PPM1B: variants seen among roughly 807,000 people sequenced by gnomAD.
PPM1B encodes the protein protein phosphatase, Mg2+/Mn2+ dependent 1B, also known as protein phosphatase 1B.
In PPM1B, 22 loss-of-function variants were observed where a neutral mutation model predicts 43.0. The observed-to-expected ratio is 0.51, with a 90% CI of 0.37 to 0.73. PPM1B has a LOEUF of 0.73. Among genes scored for constraint, PPM1B ranks in the 30% least tolerant of loss-of-function variants. The pLI is 0.00. For missense variants in PPM1B, 632 were observed against 584.2 expected (o/e 1.08, Z -0.84); for synonymous variants, 217 against 197.9 (o/e 1.10, Z -0.81).
At chr2:44,186,781 T>G (rs557986576) in intron 1 of PPM1B, among the ~76,000 whole-genome samples, 45 of 152,360 alleles carry the variant, frequency 3.0e-4, no homozygotes, top group African/African-American at 1.1e-3. Flanking sequence ...GTGGTCTAGT[T>G]TTGTTGATGA....
At chr2:44,236,412 A>C (rs1320416140), downstream of PPM1B, among the ~76,000 whole-genome samples, 1 of 147,726 alleles carries the variant, frequency 6.8e-6, no homozygotes, top group Non-Finnish European at 1.5e-5. Context: ...CAAAAAAAAA[A>C]AAAAAAAAAA....
At chr2:44,211,525 C>T (rs1476137421) in intron 3 of PPM1B, among the ~76,000 whole-genome samples, 1 of 151,974 alleles carries the variant, frequency 6.6e-6, no homozygotes, top group Non-Finnish European at 1.5e-5. Context: ...TTGTGACTTG[C>T]TTGGGTTGTT....
rs941953034 is a variant in PPM1B, at chr2:44,220,281, T to TATAC, written c.1134+1745_1134+1746insTACA. ...AAAAATACATATATATATATATATA[T>TATAC]ACCTTGCTGGATTTTGGGGTCCTTC... On this transcript the variant is annotated intron_variant, in intron 5 of 5. Coordinates refer to ENST00000282412, the MANE Select transcript of PPM1B (RefSeq NM_002706.6). Among the ~76,000 whole-genome samples, 116 of 151,552 alleles carry TATAC rather than the reference T, an allele frequency of 7.7e-4. 1 individual carries two copies. The highest frequency in any genetic ancestry group is 6.2e-4 in the South Asian group (3 of 4,810).
At chr2:44,206,287 T>A (rs112717549) in intron 2 of PPM1B, among the ~76,000 whole-genome samples, 391 of 152,352 alleles carry the variant, frequency 2.6e-3, no homozygotes, top group African/African-American at 9.1e-3. Flanking sequence ...TACAAGGATG[T>A]TTTGTCTCTA....
chr2:44,181,484 A>G (rs1667872029), intron 1 of PPM1B, among the ~76,000 whole-genome samples: 1 of 152,192 alleles, frequency 6.6e-6, no homozygotes, highest in Admixed American at 6.6e-5. Flanking sequence ...TTAGAGGAAG[A>G]TGGGGTTGAA....
At chr2:44,187,560 C>T (rs538970940) in intron 1 of PPM1B, among the ~76,000 whole-genome samples, 1 of 152,300 alleles carries the variant, frequency 6.6e-6, no homozygotes, top group South Asian at 2.1e-4. Flanking sequence ...AATGATCTGT[C>T]TAAACATGGG....
intron 5 of PPM1B, chr2:44,230,041 C>G (rs759106069): frequency 4.4e-6 from 7 of 1,582,314 alleles, no homozygotes; most frequent in African/African-American, 1.3e-5. Context: ...CTGTCCTTTT[C>G]CTACTGCTTT....
At chr2:44,182,435 AT>A (rs1407320976) in intron 1 of PPM1B, among the ~76,000 whole-genome samples, 1 of 151,618 alleles carries the variant, frequency 6.6e-6, no homozygotes, top group African/African-American at 2.4e-5. Flanking sequence ...AATTTTTTGT[AT>A]TTTTAGTAGA....
At chr2:44,223,588 T>A (rs1216604029) in intron 5 of PPM1B, among the ~76,000 whole-genome samples, 2 of 151,810 alleles carry the variant, frequency 1.3e-5, no homozygotes, top group African/African-American at 4.8e-5. Flanking sequence ...GGCAGGAGGA[T>A]CACGAGGTCA....
downstream of PPM1B, among the ~76,000 whole-genome samples, chr2:44,244,844 C>T (rs1252111843): frequency 2.4e-5 from 3 of 123,548 alleles, no homozygotes; most frequent in Non-Finnish European, 3.4e-5. Context: ...TATATACACA[C>T]ACACACACAT....
At chr2:44,214,795 T>A (rs936684829) in intron 3 of PPM1B, among the ~76,000 whole-genome samples, 3 of 152,192 alleles carry the variant, frequency 2.0e-5, no homozygotes, top group Non-Finnish European at 4.4e-5. Flanking sequence ...GAGCCTAAAG[T>A]TCTCCTAGTC....
At chr2:44,185,494 T>C (rs2104040034) in intron 1 of PPM1B, among the ~76,000 whole-genome samples, 1 of 152,300 alleles carries the variant, frequency 6.6e-6, no homozygotes, top group Middle Eastern at 3.4e-3. Context: ...CTATTTCCAT[T>C]TTATGAACTA....
chr2:44,187,335 A>C (rs1011541081), intron 1 of PPM1B, among the ~76,000 whole-genome samples: 1 of 152,004 alleles, frequency 6.6e-6, no homozygotes, highest in Non-Finnish European at 1.5e-5. Flanking sequence ...GGTTGCTTCT[A>C]CCTCTTGGCT....
At chr2:44,180,243 AGG>A (rs1326269793) in intron 1 of PPM1B, among the ~76,000 whole-genome samples, 1 of 152,130 alleles carries the variant, frequency 6.6e-6, no homozygotes, top group Non-Finnish European at 1.5e-5. Flanking sequence ...TTCCTCACTT[AGG>A]AAGAGTTGGC....
chr2:44,180,599 G>T (rs1207300516), intron 1 of PPM1B, among the ~76,000 whole-genome samples: 1 of 152,008 alleles, frequency 6.6e-6, no homozygotes, highest in Non-Finnish European at 1.5e-5. Flanking sequence ...CTTGAAGAAG[G>T]ATCTTTTTAA....
chr2:44,177,367 C>G (rs949278741), intron 1 of PPM1B, among the ~76,000 whole-genome samples: 8 of 147,436 alleles, frequency 5.4e-5, no homozygotes, highest in South Asian at 4.3e-4. Flanking sequence ...GAGTTTGTTT[C>G]TATTCATCTG....
At chr2:44,191,283 G>A (rs751779337) in intron 1 of PPM1B, among the ~76,000 whole-genome samples, 33 of 151,792 alleles carry the variant, frequency 2.2e-4, no homozygotes, top group Non-Finnish European at 3.8e-4. Flanking sequence ...GAGTGATCTC[G>A]GCTCACTGCA....
intron 5 of PPM1B, among the ~76,000 whole-genome samples, chr2:44,239,932 A>G (rs1670710677): frequency 6.7e-6 from 1 of 149,648 alleles, no homozygotes; most frequent in Admixed American, 6.7e-5. Flanking sequence ...GAAATATCAC[A>G]TCATTTAGAT....
chr2:44,197,951 A>C (rs1475644818), intron 1 of PPM1B, among the ~76,000 whole-genome samples: 1 of 152,242 alleles, frequency 6.6e-6, no homozygotes, highest in South Asian at 2.1e-4. Flanking sequence ...TAGCCTTCAG[A>C]AACCTTTGGG....
Sources: gnomAD v4.1 joint callset for allele counts (sites outside exome capture counted in the v4.1 genomes callset) on GRCh38, gnomAD v4.1.1 for gene constraint, MANE v1.5 for transcripts, NCBI Gene and HGNC (gene_info 2026-07-23, HGNC 2026-07-21) for gene names.